DGKI: variants seen among roughly 807,000 people sequenced by gnomAD.
DGKI encodes diacylglycerol kinase iota.
In DGKI, 55 loss-of-function variants were observed where a neutral mutation model predicts 147.5. The ratio of observed to expected loss-of-function variants is 0.37; its 90% CI spans 0.30 to 0.47. The LOEUF is 0.47. Among genes scored for constraint, DGKI ranks in the 20% least tolerant of loss-of-function variants. DGKI has a pLI of 1.00. For synonymous variants in DGKI, 469 were observed against 477.1 expected, an observed-to-expected ratio of 0.98 and a Z score of 0.22; for missense variants, 1,007 against 1,323.8, an observed-to-expected ratio of 0.76 and a Z score of 3.71.
chr7:137,826,602 C>A (rs984529998), intron 1 of DGKI, among the ~76,000 whole-genome samples: 1 of 152,168 alleles, frequency 6.6e-6, no homozygotes, highest in Non-Finnish European at 1.5e-5. Context: ...AAATTCAGAA[C>A]ACACATTTCT....
intron 6 of DGKI, among the ~76,000 whole-genome samples, chr7:137,634,067 A>C (rs1216290206): frequency 6.6e-6 from 1 of 152,230 alleles, no homozygotes; most frequent in African/African-American, 2.4e-5. Flanking sequence ...CAGTAGTCCA[A>C]GGTATGCTAG....
intron 1 of DGKI, among the ~76,000 whole-genome samples, chr7:137,806,685 G>A (rs188082651): frequency 9.9e-4 from 150 of 152,076 alleles, no homozygotes; most frequent in African/African-American, 3.3e-3. Context: ...TGCCCGCCTC[G>A]GCCTCCCAAA....
chr7:137,479,164 G>T (rs531365097), intron 23 of DGKI, among the ~76,000 whole-genome samples: 17 of 152,248 alleles, frequency 1.1e-4, no homozygotes, highest in African/African-American at 3.9e-4. Context: ...TAAATGGTGT[G>T]ATTTAGATGA....
chr7:137,592,015 C>T (rs970628826), intron 12 of DGKI, among the ~76,000 whole-genome samples: 8 of 152,214 alleles, frequency 5.3e-5, no homozygotes, highest in African/African-American at 1.9e-4. Context: ...CAAATACACA[C>T]TTACAATAGC....
At chr7:137,818,722 G>A (rs566821297) in intron 1 of DGKI, among the ~76,000 whole-genome samples, 14 of 152,198 alleles carry the variant, frequency 9.2e-5, no homozygotes, top group Non-Finnish European at 1.5e-4. Context: ...GATTACAGGC[G>A]TGAGCCACCG....
In DGKI at chr7:137,601,496, C is replaced by A. The variant is rs529928158; in HGVS notation, c.1168-1591G>T. Among the ~76,000 whole-genome samples the A allele has an allele frequency of 4.6e-5, 7 of 152,302 alleles. No homozygotes were observed. In the East Asian group the frequency reaches 1.4e-3, roughly 29 times the overall value. ...TATCTAATAAGCTGCATTTAAGAGT[C>A]ATCCCAGTATACTGGACATAGTATG... On this transcript the variant is annotated intron_variant, in intron 10 of 32. Transcript: ENST00000614521.
chr7:137,655,530 G>A (rs1340899929), intron 4 of DGKI, among the ~76,000 whole-genome samples: 1 of 152,142 alleles, frequency 6.6e-6, no homozygotes, highest in Non-Finnish European at 1.5e-5. Context: ...ATTCAGCACT[G>A]CTTTTCTTTT....
intron 2 of DGKI, among the ~76,000 whole-genome samples, chr7:137,678,995 C>CA (rs1481963231): frequency 1.3e-5 from 2 of 152,176 alleles, no homozygotes; most frequent in Non-Finnish European, 2.9e-5. Context: ...CTGCAAATGT[C>CA]ATGACAACTG....
At chr7:137,581,351 C>T (rs774497753) in intron 15 of DGKI, among the ~76,000 whole-genome samples, 4 of 152,100 alleles carry the variant, frequency 2.6e-5, no homozygotes, top group Non-Finnish European at 4.4e-5. Context: ...CTACCTATAG[C>T]TCCTCTATTG....
chr7:137,802,619 T>C (rs1019311378), intron 1 of DGKI, among the ~76,000 whole-genome samples: 3 of 152,166 alleles, frequency 2.0e-5, no homozygotes, highest in Non-Finnish European at 4.4e-5. Context: ...TCCTGACTAA[T>C]AAAGGGATAT....
At chr7:137,767,479 A>AGAGAAGAGAAGAGAC (rs1796048186) in intron 1 of DGKI, among the ~76,000 whole-genome samples, 1 of 133,592 alleles carries the variant, frequency 7.5e-6, no homozygotes, top group Non-Finnish European at 1.6e-5. Context: ...AGGGAAGAGA[A>AGAGAAGAGAAGAGAC]GAGAAGAGAA....
At chr7:137,552,732 G>T (rs887309073) in intron 19 of DGKI, among the ~76,000 whole-genome samples, 164 bp from the exon 20 acceptor site, 1 of 150,080 alleles carries the variant, frequency 6.7e-6, no homozygotes, top group Non-Finnish European at 1.5e-5. Flanking sequence ...AACATGGCGA[G>T]ACCCGGTCTC....
At chr7:137,495,609 C>A (rs995987292) in intron 21 of DGKI, among the ~76,000 whole-genome samples, 1 of 151,618 alleles carries the variant, frequency 6.6e-6, no homozygotes, top group Non-Finnish European at 1.5e-5. Flanking sequence ...AGCTAATCTA[C>A]CATGGTCAAG....
rs949464865 is a variant in DGKI at position 137,772,546 on chromosome 7, C to G, written c.401+73916G>C. Among the ~76,000 whole-genome samples, 4 of 152,122 alleles carry G rather than the reference C, an allele frequency of 2.6e-5. No individual in the cohort carries two copies. In the East Asian group the frequency reaches 7.7e-4, roughly 29 times the overall value. On this transcript the variant is annotated intron_variant, in intron 1 of 32. Transcript: ENST00000614521. ...TTGCAGAATGGTTTATAATGAATGA[C>G]CTAAGCCCCCAGATCTGTTCCCCAT...
At chr7:137,748,309 C>G (rs561837352) in intron 1 of DGKI, among the ~76,000 whole-genome samples, 1 of 151,058 alleles carries the variant, frequency 6.6e-6, no homozygotes, top group South Asian at 2.1e-4. Context: ...TTCTTCTGAT[C>G]CCCCGAAAAA....
At chr7:137,441,301 G>T (rs1813494623) in intron 28 of DGKI, among the ~76,000 whole-genome samples, 1 of 151,760 alleles carries the variant, frequency 6.6e-6, no homozygotes, top group East Asian at 1.9e-4. Context: ...GCCGCCTGTA[G>T]TCCCAGCTAC....
At chr7:137,391,456 G>A (rs2128892255) in intron 32 of DGKI, 120 bp from the exon 33 acceptor site, 1 of 667,786 alleles carries the variant, frequency 1.5e-6, no homozygotes, top group Non-Finnish European at 2.6e-6. Context: ...ACTACGCAAG[G>A]ATACCTGCTA....
At chr7:137,585,902 G>A (rs1378796847) in intron 13 of DGKI, among the ~76,000 whole-genome samples, 1 of 152,104 alleles carries the variant, frequency 6.6e-6, no homozygotes, top group East Asian at 1.9e-4. Flanking sequence ...CTGACAGCAC[G>A]ATAGACTGTC....
At chr7:137,529,141 T>G (rs947240637) in intron 20 of DGKI, among the ~76,000 whole-genome samples, 4 of 152,204 alleles carry the variant, frequency 2.6e-5, no homozygotes, top group African/African-American at 9.6e-5. Context: ...ACATTGTAAT[T>G]AAAATTTTAA....
Sources: gnomAD v4.1 joint callset for allele counts (sites outside exome capture counted in the v4.1 genomes callset) on GRCh38, gnomAD v4.1.1 for gene constraint, MANE v1.5 for transcripts, NCBI Gene and HGNC (gene_info 2026-07-23, HGNC 2026-07-21) for gene names.